Variants in USP34 observed in about 807,000 individuals in gnomAD.
USP34 encodes ubiquitin carboxyl-terminal hydrolase 34.
Under a neutral mutation model 460.3 loss-of-function variants are expected in USP34, and 70 were observed. That is an observed-to-expected ratio of 0.15 (90% CI 0.13 to 0.19). The LOEUF is 0.19. Among genes scored for constraint, USP34 ranks in the 10% least tolerant of loss-of-function variants. The probability of loss-of-function intolerance (pLI) is 1.00; values close to 1 mark genes in which losing one functional copy is unlikely to be tolerated. For synonymous variants in USP34, 1,647 were observed against 1,405.3 expected (o/e 1.17, Z -3.85); for missense variants, 3,985 against 4,236.2 (o/e 0.94, Z 1.65).
At chr2:61,381,391 T>C (rs1692970775) in intron 6 of USP34, among the ~76,000 whole-genome samples, 1 of 152,108 alleles carries the variant, frequency 6.6e-6, no homozygotes, top group South Asian at 2.1e-4. Context: ...CACGCTGGAG[T>C]GCAATTGCTC....
Position 61,333,983 on chromosome 2 carries a change from G to A in USP34, c.2745-12C>T, listed in dbSNP as rs1407055238. The A allele has an allele frequency of 6.5e-7, 1 of 1,531,086 alleles. No homozygotes were observed. Among genetic ancestry groups the A allele is most frequent in the African/African-American group, 1.4e-5 (1 of 71,208 alleles). 94.8% of individuals were successfully genotyped at this position (1,531,086 alleles called of 1,614,324 possible). A position where few individuals can be genotyped will look rare whatever the true frequency, so the allele number is the denominator to read the frequency against. On this transcript the variant is annotated splice_polypyrimidine_tract_variant and intron_variant, in intron 18 of 79. Coordinates refer to ENST00000398571, the MANE Select transcript of USP34 (RefSeq NM_014709.4). ...AAATTACTACTGATCTGAAACAGCA[G>A]AAACATTCACAAAATAATTTTAGTA...
intron 76 of USP34, among the ~76,000 whole-genome samples, chr2:61,192,090 G>A (rs187627560): frequency 2.0e-5 from 3 of 152,314 alleles, no homozygotes; most frequent in African/African-American, 7.2e-5. Context: ...AGAATCCAGA[G>A]CACACTACAG....
intron 41 of USP34, among the ~76,000 whole-genome samples, chr2:61,270,435 A>G (rs1464636198): frequency 6.6e-6 from 1 of 152,106 alleles, no homozygotes; most frequent in South Asian, 2.1e-4. Flanking sequence ...CCAGTATACA[A>G]TATTTTATTT....
intron 25 of USP34, among the ~76,000 whole-genome samples, chr2:61,314,304 T>G (rs1169629492): frequency 6.6e-6 from 1 of 152,192 alleles, no homozygotes; most frequent in Non-Finnish European, 1.5e-5. Flanking sequence ...ATACTTTATC[T>G]TAGAGATGGA....
At chr2:61,403,093 G>T (rs138491217) in intron 3 of USP34, among the ~76,000 whole-genome samples, 3 of 152,096 alleles carry the variant, frequency 2.0e-5, no homozygotes, top group Non-Finnish European at 4.4e-5. Flanking sequence ...TTGGTATAAG[G>T]AGGTAACTCC....
At chr2:61,262,441 T>C (rs1174708339) in intron 43 of USP34, among the ~76,000 whole-genome samples, 1 of 152,202 alleles carries the variant, frequency 6.6e-6, no homozygotes, top group African/African-American at 2.4e-5. Context: ...TGGTATTTGG[T>C]TCCCTGTTGC....
At chr2:61,231,776 G>A (rs570687035) in intron 58 of USP34, among the ~76,000 whole-genome samples, 22 of 149,770 alleles carry the variant, frequency 1.5e-4, no homozygotes, top group African/African-American at 5.2e-4. Flanking sequence ...ACCTGCTGAG[G>A]CAAGAGGACT....
rs76653121 is a variant in USP34 at position 61,266,804 on chromosome 2, T to C, written c.5434-637A>G. On this transcript the variant is annotated intron_variant, in intron 41 of 79. Transcript: ENST00000398571. The stretch of plus-strand genomic sequence containing the variant: ...AGCACAGTAAGACTGAGACTCTTGA[T>C]ACCCACAGAAAGGCTGACCTTTGCC... 9.0e-3 allele frequency among the ~76,000 whole-genome samples: 1,365 copies of C among 152,296 alleles called. 18 individuals carry two copies. Among genetic ancestry groups the C allele is most frequent in the African/African-American group, 0.031 (1,301 of 41,554 alleles).
intron 5 of USP34, among the ~76,000 whole-genome samples, chr2:61,392,143 G>A (rs1373838797): frequency 6.6e-6 from 1 of 152,084 alleles, no homozygotes; most frequent in Non-Finnish European, 1.5e-5. Context: ...CACAGGTTGG[G>A]CAACAGCGTA....
chr2:61,331,067 A>T (rs1691245566), intron 20 of USP34, among the ~76,000 whole-genome samples: 1 of 152,160 alleles, frequency 6.6e-6, no homozygotes, highest in African/African-American at 2.4e-5. Flanking sequence ...CCCAAAAGTG[A>T]GCCAGCTACA....
At chr2:61,464,396 T>A (rs781158828) in intron 1 of USP34, among the ~76,000 whole-genome samples, 3 of 152,092 alleles carry the variant, frequency 2.0e-5, no homozygotes, top group African/African-American at 7.2e-5. Context: ...GAGTTCCATC[T>A]CAAATTTGAC....
At chr2:61,280,971 G>T in intron 38 of USP34, 119 bp downstream of exon 38, 1 of 1,081,312 alleles carries the variant, frequency 9.2e-7, no homozygotes, top group Non-Finnish European at 1.3e-6. Flanking sequence ...CTATCCTCTT[G>T]GTAAAAAATC....
chr2:61,206,786 G>A lies in USP34; in HGVS notation c.9020C>T (p.Ser3007Phe). 6.2e-7 allele frequency: 1 copy of A among 1,613,740 alleles called. No homozygotes were observed. Among genetic ancestry groups the A allele is most frequent in the Non-Finnish European group, 8.5e-7 (1 of 1,179,798 alleles). ...LLSIFLSVLK[S>F]TRPYLQRKDV... ...TTTTCTCTGAAGATAAGGGCGTGTA[G>A]ACTTCAAAACCGAAAGAAATATTGA... The change falls in exon 71 of 80, where the codon TCT becomes TTT. Residue 3007 changes from serine to phenylalanine, a missense_variant. Around this residue, in one of 14 missense-constraint regions of USP34, gnomAD observed 275 missense variants for 292.7 expected, o/e 0.94. Transcript: ENST00000398571.
chr2:61,419,111 TAACTC>T (rs1694285098), intron 2 of USP34, among the ~76,000 whole-genome samples: 2 of 152,274 alleles, frequency 1.3e-5, no homozygotes, highest in Non-Finnish European at 2.9e-5. Context: ...TTACAGAACT[TAACTC>T]ATTTGTCATC....
intron 5 of USP34, among the ~76,000 whole-genome samples, chr2:61,388,304 C>T (rs932217606): frequency 6.6e-6 from 1 of 151,712 alleles, no homozygotes; most frequent in Admixed American, 6.6e-5. Context: ...TATAAAAAAC[C>T]AAGTCAACAC....
chr2:61,470,746 G>A lies in USP34; in HGVS notation c.-54C>T. Reference sequence around the variant, plus strand: ...GCTTCGGATCACACTGACTGATCCCGACCGGCGGGGGGGAGGGGAGAGAGG... The same window carrying A: ...GCTTCGGATCACACTGACTGATCCCAACCGGCGGGGGGGAGGGGAGAGAGG... On this transcript the variant is annotated 5_prime_UTR_variant, in exon 1 of 80. Transcript: ENST00000398571. 6 of 1,480,740 alleles carry A rather than the reference G, an allele frequency of 4.1e-6. No individual in the cohort carries two copies. The highest frequency in any genetic ancestry group is 1.2e-5 in the South Asian group (1 of 84,130). The allele number at this position is 1,480,740 out of a possible 1,614,324, so 91.7% of individuals were successfully genotyped here.
At chr2:61,402,866 CATATAT>C (rs2103926010) in intron 3 of USP34, among the ~76,000 whole-genome samples, 2 of 152,112 alleles carry the variant, frequency 1.3e-5, no homozygotes, top group African/African-American at 4.8e-5. Context: ...AAAATTTATA[CATATAT>C]ATAATTTTAT....
intron 23 of USP34, 25 bp from the exon 24 acceptor site, chr2:61,314,999 C>A: frequency 6.3e-7 from 1 of 1,586,710 alleles, no homozygotes; most frequent in Non-Finnish European, 8.6e-7. Flanking sequence ...TATGGTATCT[C>A]TAAATTTTGT....
intron 51 of USP34, among the ~76,000 whole-genome samples, chr2:61,243,583 G>C (rs1187546022): frequency 7.0e-6 from 1 of 142,238 alleles, no homozygotes; most frequent in Non-Finnish European, 1.5e-5. Flanking sequence ...TTTTTAAAAG[G>C]AAACATTCGG....
Sources: allele counts gnomAD v4.1 joint callset (sites outside exome capture counted in the v4.1 genomes callset), GRCh38; gene constraint gnomAD v4.1.1; regional missense constraint gnomAD v4.1.1; transcripts MANE v1.5; gene names NCBI Gene and HGNC (gene_info 2026-07-23, HGNC 2026-07-21).